Variants in CFAP91 observed in about 807,000 individuals in gnomAD.
CFAP91 encodes cilia- and flagella-associated protein 91.
Under a neutral mutation model 95.9 loss-of-function variants are expected in CFAP91, and 85 were observed. The observed-to-expected ratio is 0.89, with a 90% CI of 0.74 to 1.06. CFAP91 has a LOEUF of 1.06. Among genes scored for constraint, CFAP91 ranks in the 50% least tolerant of loss-of-function variants. CFAP91 has a pLI of 0.00. For missense variants in CFAP91, 962 were observed against 943.4 expected (o/e 1.02, Z -0.26); for synonymous variants, 335 against 327.5 (o/e 1.02, Z -0.25).
chr3:119,726,452 T>TGATACGGCGA, intron 7 of CFAP91, 104 bp downstream of exon 7: 1 of 1,115,114 alleles, frequency 9.0e-7, no homozygotes. Context: ...TGAAAAGCAA[T>TGATACGGCGA]CCTCAACCTA....
intron 11 of CFAP91, among the ~76,000 whole-genome samples, chr3:119,738,543 G>A (rs1309587400): frequency 6.6e-6 from 1 of 151,280 alleles, no homozygotes; most frequent in African/African-American, 2.4e-5. Flanking sequence ...GAGATGGGGT[G>A]TTGCCATGTT....
At chr3:119,728,717 T>G (rs1443586272) in intron 7 of CFAP91, among the ~76,000 whole-genome samples, 1 of 152,174 alleles carries the variant, frequency 6.6e-6, no homozygotes, top group Non-Finnish European at 1.5e-5. Flanking sequence ...TCCTTTTGAG[T>G]TGAACATTCA....
intron 1 of CFAP91, 54 bp from the exon 2 acceptor site, chr3:119,706,755 G>A (rs986990349): frequency 1.4e-5 from 18 of 1,329,938 alleles, no homozygotes; most frequent in Non-Finnish European, 1.8e-5. Context: ...ATTATTCTCA[G>A]CCTAGGGGTA....
chr3:119,717,974 T>TTGTGTGTGTGTGTG (rs1427211209), intron 6 of CFAP91, among the ~76,000 whole-genome samples: 1 of 152,162 alleles, frequency 6.6e-6, no homozygotes, highest in African/African-American at 2.4e-5. Context: ...ACTCCTCACC[T>TTGTGTGTGTGTGTG]TGTGGTGATG....
intron 8 of CFAP91, 26 bp downstream of exon 8, chr3:119,730,403 G>GTTCATACTACATGAACT (rs2053873133): frequency 1.2e-5 from 19 of 1,599,272 alleles, no homozygotes; most frequent in Non-Finnish European, 1.5e-5. Context: ...GAACAATGAA[G>GTTCATACTACATGAACT]ACGGTGGAAA....
rs557866960 is a variant in CFAP91, at chr3:119,703,048, G to C, written c.-51G>C. On this transcript the variant is annotated 5_prime_UTR_variant, in exon 1 of 18. Transcript: ENST00000273390. ...TTACCATAGCGACGTGCACGCAGTA[G>C]CCAGGCCTGACCCGCTGGTCCCTTG... is the stretch of plus-strand genomic sequence containing the variant. The C allele has an allele frequency of 6.5e-7, 1 of 1,542,678 alleles. No individual in the cohort carries two copies. Among genetic ancestry groups the C allele is most frequent in the East Asian group, 2.5e-5 (1 of 40,802 alleles).
chr3:119,755,036 A>G (rs139769213), intron 17 of CFAP91, among the ~76,000 whole-genome samples: 52 of 152,238 alleles, frequency 3.4e-4, no homozygotes, highest in African/African-American at 1.2e-3. Flanking sequence ...TATGTCTCCT[A>G]TGCCTCTCCC....
chr3:119,753,737 G>A (rs1234432521), intron 17 of CFAP91, among the ~76,000 whole-genome samples: 1 of 151,878 alleles, frequency 6.6e-6, no homozygotes, highest in Non-Finnish European at 1.5e-5. Context: ...GTGGTGATTT[G>A]TGAGATTTTG....
intron 6 of CFAP91, among the ~76,000 whole-genome samples, chr3:119,721,302 C>G (rs2053680552): frequency 6.6e-6 from 1 of 152,148 alleles, no homozygotes; most frequent in Admixed American, 6.5e-5. Flanking sequence ...GACATATACT[C>G]TGAATAAACT....
intron 12 of CFAP91, among the ~76,000 whole-genome samples, chr3:119,739,621 A>G (rs1057213627): frequency 3.3e-5 from 5 of 152,226 alleles, no homozygotes; most frequent in African/African-American, 1.2e-4. Flanking sequence ...TGTTAAATCC[A>G]TACATTTTCT....
intron 5 of CFAP91, 109 bp downstream of exon 5, chr3:119,710,004 C>A: frequency 1.2e-6 from 1 of 839,112 alleles, no homozygotes; most frequent in Non-Finnish European, 2.0e-6. Context: ...TTGTGGATCA[C>A]AAAACATTAG....
chr3:119,743,341 C>T (rs1390031212), intron 13 of CFAP91, among the ~76,000 whole-genome samples: 1 of 152,144 alleles, frequency 6.6e-6, no homozygotes, highest in Admixed American at 6.5e-5. Context: ...TGGTCTCGAA[C>T]TCCTGACCTC....
intron 8 of CFAP91, 102 bp from the exon 9 acceptor site, chr3:119,732,192 C>T (rs1342579887): frequency 5.6e-6 from 5 of 898,754 alleles, no homozygotes; most frequent in Non-Finnish European, 1.7e-6. Context: ...TCATTCATTT[C>T]AATAGCTTCT....
intron 15 of CFAP91, 72 bp downstream of exon 15, chr3:119,747,335 C>G: frequency 1.3e-6 from 2 of 1,496,366 alleles, no homozygotes; most frequent in African/African-American, 1.4e-5. Context: ...TTTTCAAGAG[C>G]TTACAATTTC....
chr3:119,710,688 C>G (rs1446058864), intron 5 of CFAP91, among the ~76,000 whole-genome samples: 1 of 151,608 alleles, frequency 6.6e-6, no homozygotes, highest in African/African-American at 2.4e-5. Flanking sequence ...ATTAAATAAA[C>G]AAATCAGTCA....
At chr3:119,756,548 T>G (rs1424397838) in intron 17 of CFAP91, among the ~76,000 whole-genome samples, 1 of 152,120 alleles carries the variant, frequency 6.6e-6, no homozygotes, top group Non-Finnish European at 1.5e-5. Context: ...ATAAAAAAAT[T>G]ATAAGAAACA....
intron 13 of CFAP91, 139 bp downstream of exon 13, chr3:119,740,834 T>TG (rs2054103838): frequency 6.9e-6 from 6 of 867,752 alleles, no homozygotes; most frequent in South Asian, 4.6e-5. Flanking sequence ...TCTGTCAGCA[T>TG]TTGTGTGTGT....
rs74781403 is a variant in CFAP91 at position 119,764,014 on chromosome 3, G to A, written c.*2-1038G>A. ...CAAAAAATGAAAAGTATATGAAGTAGTGCATATGTTAATTAGCTTGACTGA... is the reference window on the plus strand; with the variant it reads ...CAAAAAATGAAAAGTATATGAAGTAATGCATATGTTAATTAGCTTGACTGA... On this transcript the variant is annotated intron_variant, in intron 17 of 17. Transcript: ENST00000273390. 5.6e-3 allele frequency among the ~76,000 whole-genome samples: 849 copies of A among 152,182 alleles called. 7 individuals are homozygous for A. The highest frequency in any genetic ancestry group is 0.019 in the African/African-American group (793 of 41,546).
At chr3:119,752,781 A>T (rs1404096095) in intron 17 of CFAP91, among the ~76,000 whole-genome samples, 1 of 152,208 alleles carries the variant, frequency 6.6e-6, no homozygotes, top group Non-Finnish European at 1.5e-5. Flanking sequence ...AGTGAAAGTA[A>T]AATATATTTC....
Sources: allele counts gnomAD v4.1 joint callset (sites outside exome capture counted in the v4.1 genomes callset), GRCh38; gene constraint gnomAD v4.1.1; transcripts MANE v1.5; gene names NCBI Gene and HGNC (gene_info 2026-07-23, HGNC 2026-07-21).